The following CPNE8 variants were observed in gnomAD, a reference collection of about 807,000 sequenced individuals.
The protein encoded by CPNE8 is copine-8.
In CPNE8, 45 loss-of-function variants were observed where a neutral mutation model predicts 81.5. That is an observed-to-expected ratio of 0.55 (90% CI 0.44 to 0.71). The LOEUF is 0.71. Among genes scored for constraint, CPNE8 ranks in the 30% least tolerant of loss-of-function variants. The pLI is 0.00. For missense variants in CPNE8, 594 were observed against 672.1 expected (o/e 0.88, Z 1.28); for synonymous variants, 252 against 226.3 (o/e 1.11, Z -1.02).
chr12:38,833,645 A>ATT (rs1943333764), intron 5 of CPNE8, among the ~76,000 whole-genome samples: 1 of 151,418 alleles, frequency 6.6e-6, no homozygotes, highest in Non-Finnish European at 1.5e-5. Flanking sequence ...CGCCCAGCTA[A>ATT]TTTTTTGTAT....
intron 6 of CPNE8, among the ~76,000 whole-genome samples, chr12:38,796,868 TA>T (rs956285672): frequency 2.0e-5 from 3 of 152,076 alleles, no homozygotes; most frequent in Non-Finnish European, 4.4e-5. Flanking sequence ...CCGACGGGCT[TA>T]AAAAATGGCG....
chr12:38,774,211 C>T (rs1941870750), intron 7 of CPNE8, among the ~76,000 whole-genome samples: 1 of 152,076 alleles, frequency 6.6e-6, no homozygotes, highest in Non-Finnish European at 1.5e-5. Flanking sequence ...GGTATCTTGG[C>T]TCTACTTTGA....
chr12:38,672,473 C>A (rs1376834545), intron 18 of CPNE8, among the ~76,000 whole-genome samples: 2 of 152,094 alleles, frequency 1.3e-5, no homozygotes, highest in Non-Finnish European at 2.9e-5. Context: ...CCATCTGGTC[C>A]TCAAGCAGGT....
chr12:38,788,424 A>T (rs943015826), intron 6 of CPNE8, among the ~76,000 whole-genome samples: 2 of 151,876 alleles, frequency 1.3e-5, no homozygotes, highest in Non-Finnish European at 2.9e-5. Context: ...CATCAAAAAA[A>T]CCTTTAAAAA....
intron 10 of CPNE8, 124 bp downstream of exon 10, chr12:38,760,723 A>G: frequency 2.6e-6 from 2 of 765,318 alleles, no homozygotes; most frequent in Non-Finnish European, 4.4e-6. Context: ...ATGCATCAGT[A>G]ACATTTGGAA....
intron 1 of CPNE8, among the ~76,000 whole-genome samples, chr12:38,880,625 A>T (rs1004924058): frequency 6.6e-6 from 1 of 152,142 alleles, no homozygotes; most frequent in African/African-American, 2.4e-5. Context: ...AGTTATTTGT[A>T]TGTATATATA....
intron 6 of CPNE8, among the ~76,000 whole-genome samples, chr12:38,781,402 G>A (rs1030507314): frequency 6.6e-6 from 1 of 151,850 alleles, no homozygotes; most frequent in African/African-American, 2.4e-5. Flanking sequence ...ATTTAAAATA[G>A]ATAACAAAAT....
intron 10 of CPNE8, among the ~76,000 whole-genome samples, chr12:38,750,663 C>T (rs1941337512): frequency 6.6e-6 from 1 of 152,186 alleles, no homozygotes. Context: ...TTTGGAATAG[C>T]TGTATTTATC....
intron 4 of CPNE8, among the ~76,000 whole-genome samples, chr12:38,847,483 C>T (rs1283534009): frequency 2.0e-5 from 3 of 152,182 alleles, no homozygotes; most frequent in African/African-American, 4.8e-5. Context: ...GAAGTTACTA[C>T]ATTTCATTTC....
chr12:38,744,219 A>G (rs965829185), intron 10 of CPNE8, among the ~76,000 whole-genome samples: 1 of 152,192 alleles, frequency 6.6e-6, no homozygotes, highest in African/African-American at 2.4e-5. Context: ...TAAACCTTAC[A>G]TAAGAAAGCA....
At chr12:38,672,027 G>A (rs1939187273) in intron 18 of CPNE8, among the ~76,000 whole-genome samples, 1 of 151,968 alleles carries the variant, frequency 6.6e-6, no homozygotes, top group African/African-American at 2.4e-5. Flanking sequence ...AATACTTTCA[G>A]TAAATAATAC....
rs541321674 is a variant in CPNE8, at chr12:38,776,328, A to T, written c.408-27T>A. The T allele has an allele frequency of 3.0e-6, 3 of 1,013,348 alleles. No homozygotes were observed. The South Asian group carries it at 5.6e-5, about 19-fold the overall frequency. 62.8% of individuals were successfully genotyped at this position (1,013,348 alleles called of 1,614,324 possible). ...TAAAACAACAAAAATATATTTATAT[A>T]CATTAATATGTTATATTAATACTAT... On this transcript the variant is annotated intron_variant, in intron 6 of 19. Transcript: ENST00000331366.
intron 10 of CPNE8, among the ~76,000 whole-genome samples, chr12:38,759,225 C>T (rs1400772216): frequency 1.3e-5 from 2 of 152,156 alleles, no homozygotes; most frequent in Non-Finnish European, 1.5e-5. Context: ...CAGTGAGCTG[C>T]ACTTTTTGTT....
At chr12:38,694,614 G>C (rs759612957) in intron 14 of CPNE8, among the ~76,000 whole-genome samples, 2 of 152,178 alleles carry the variant, frequency 1.3e-5, no homozygotes, top group African/African-American at 2.4e-5. Context: ...TACTGTGTAG[G>C]ATGTTGCACT....
Position 38,743,370 on chromosome 12 carries a change from T to C in CPNE8, c.723-13012A>G, listed in dbSNP as rs370728455. On this transcript the variant is annotated intron_variant, in intron 10 of 19. Coordinates refer to ENST00000331366, the MANE Select transcript of CPNE8 (RefSeq NM_153634.3). The stretch of plus-strand genomic sequence containing the variant: ...AGATTTTATGTGGTATTTCTTTATA[T>C]TAAAATGCTCTAATTTTTAGTGGCA... Among the ~76,000 whole-genome samples the C allele has an allele frequency of 2.0e-5, 3 of 152,088 alleles. No homozygotes were observed. The East Asian group carries it at 5.8e-4, about 29-fold the overall frequency.
At chr12:38,785,315 G>A (rs1942156567) in intron 6 of CPNE8, among the ~76,000 whole-genome samples, 1 of 151,930 alleles carries the variant, frequency 6.6e-6, no homozygotes. Flanking sequence ...TAACTGTGGT[G>A]TGTAAAATAA....
chr12:38,718,872 G>C (rs1321764383), intron 13 of CPNE8, among the ~76,000 whole-genome samples: 1 of 152,062 alleles, frequency 6.6e-6, no homozygotes, highest in African/African-American at 2.4e-5. Context: ...ATGGAAAACT[G>C]TTTACAAAAA....
At chr12:38,799,440 A>G (rs906124651) in intron 6 of CPNE8, among the ~76,000 whole-genome samples, 5 of 152,204 alleles carry the variant, frequency 3.3e-5, no homozygotes, top group Admixed American at 6.5e-5. Flanking sequence ...CTGCTCCTGA[A>G]TGACTACTGG....
intron 7 of CPNE8, among the ~76,000 whole-genome samples, chr12:38,768,162 T>C (rs976271437): frequency 6.6e-6 from 1 of 151,608 alleles, no homozygotes; most frequent in Admixed American, 6.6e-5. Context: ...TGTTGAGATG[T>C]ACTAGATGAT....
Sources: gnomAD v4.1 joint callset for allele counts (sites outside exome capture counted in the v4.1 genomes callset) on GRCh38, gnomAD v4.1.1 for gene constraint, MANE v1.5 for transcripts, NCBI Gene and HGNC (gene_info 2026-07-23, HGNC 2026-07-21) for gene names.